TTC28: variants seen among roughly 807,000 people sequenced by gnomAD.
TTC28 encodes tetratricopeptide repeat domain 28.
Under a neutral mutation model 198.0 loss-of-function variants are expected in TTC28, and 61 were observed. The ratio of observed to expected loss-of-function variants is 0.31; its 90% confidence interval spans 0.25 to 0.38. The LOEUF (loss-of-function observed/expected upper bound fraction) is 0.38, where lower values mean the gene tolerates loss of function less well. TTC28 is among the 10% of genes least tolerant of loss of function. The pLI is 1.00. For missense variants in TTC28, 2,678 were observed against 3,164.0 expected, an observed-to-expected ratio of 0.85 and a Z score of 3.69; for synonymous variants, 1,171 against 1,297.8, an observed-to-expected ratio of 0.90 and a Z score of 2.10.
intron 2 of TTC28, among the ~76,000 whole-genome samples, chr22:28,544,816 G>A (rs1385547354): frequency 1.3e-5 from 2 of 152,122 alleles, no homozygotes; most frequent in Non-Finnish European, 2.9e-5. Flanking sequence ...AAATGCCATG[G>A]CAACATCTGG....
chr22:28,549,982 T>C (rs117597429), intron 2 of TTC28, among the ~76,000 whole-genome samples: 2 of 152,318 alleles, frequency 1.3e-5, no homozygotes, highest in East Asian at 3.9e-4. Flanking sequence ...GATCTGTACT[T>C]TAATTCCCAA....
At chr22:28,160,781 T>C (rs1921079915) in intron 6 of TTC28, among the ~76,000 whole-genome samples, 2 of 152,210 alleles carry the variant, frequency 1.3e-5, no homozygotes, top group Non-Finnish European at 2.9e-5. Flanking sequence ...ATTTTATACA[T>C]TTTTATATGT....
chr22:28,543,693 T>G (rs2049470404), intron 2 of TTC28, among the ~76,000 whole-genome samples: 1 of 152,056 alleles, frequency 6.6e-6, no homozygotes, highest in Non-Finnish European at 1.5e-5. Flanking sequence ...AAAATAACAA[T>G]CCTACACAGA....
chr22:28,262,479 T>C (rs1040341224), intron 5 of TTC28, among the ~76,000 whole-genome samples: 7 of 152,332 alleles, frequency 4.6e-5, no homozygotes, highest in Admixed American at 1.3e-4. Context: ...TTTGTTTCTT[T>C]GATCTTCTCT....
chr22:28,274,100 T>C (rs1237239605), intron 5 of TTC28, among the ~76,000 whole-genome samples: 1 of 152,152 alleles, frequency 6.6e-6, no homozygotes, highest in Non-Finnish European at 1.5e-5. Context: ...AAATAGGAAA[T>C]ACTAGCCTAT....
chr22:28,630,992 A>AC (rs757338534), intron 1 of TTC28, among the ~76,000 whole-genome samples: 10 of 152,204 alleles, frequency 6.6e-5, no homozygotes, highest in Non-Finnish European at 1.0e-4. Flanking sequence ...AGTGGCATGC[A>AC]CCTGTAGTCC....
chr22:28,271,951 T>G (rs1209892810), intron 5 of TTC28, among the ~76,000 whole-genome samples: 2 of 152,074 alleles, frequency 1.3e-5, no homozygotes, highest in Non-Finnish European at 2.9e-5. Context: ...TTTTCATCCT[T>G]TCTTGCCTGT....
intron 2 of TTC28, among the ~76,000 whole-genome samples, chr22:28,394,431 G>T (rs1019507154): frequency 5.9e-5 from 9 of 152,114 alleles, no homozygotes; most frequent in Non-Finnish European, 1.3e-4. Context: ...AAATCAATTT[G>T]TCTTCTCCAA....
At chr22:28,404,091 A>T (rs1198539756) in intron 2 of TTC28, among the ~76,000 whole-genome samples, 1 of 152,124 alleles carries the variant, frequency 6.6e-6, no homozygotes, top group Non-Finnish European at 1.5e-5. Flanking sequence ...TAATTTAAAA[A>T]TTTTTAACTA....
rs953829247 is a variant in TTC28 at position 28,608,426 on chromosome 22, A to T, written c.381+21126T>A. Among the ~76,000 whole-genome samples the T allele has an allele frequency of 1.8e-4, 28 of 152,344 alleles. 1 individual carries two copies. Among genetic ancestry groups the T allele is most frequent in the Admixed American group, 9.8e-4 (15 of 15,308 alleles). On this transcript the variant is annotated intron_variant, in intron 2 of 22. Transcript: ENST00000397906. ...GTGTGAACAACCCTCTTCACAGGGC[A>T]TCTGTCAAATAAAATCAGTGGCAAC...
In TTC28 at chr22:27,990,008, C is replaced by G; in HGVS notation, c.5578-1G>C. ...GGAGCTGAACCAGCACCTGGTGGAGCTGAGGAAGGGGGGACAGCGTGAGCA... is the reference window on the plus strand; with the variant it reads ...GGAGCTGAACCAGCACCTGGTGGAGGTGAGGAAGGGGGGACAGCGTGAGCA... On this transcript the variant is annotated splice_acceptor_variant, in intron 20 of 22. Coordinates refer to ENST00000397906, the MANE Select transcript of TTC28 (RefSeq NM_001145418.2). LOFTEE classifies it high-confidence loss of function. The G allele has an allele frequency of 7.1e-6, 11 of 1,550,378 alleles. No individual in the cohort carries two copies. The highest frequency in any genetic ancestry group is 7.9e-6 in the Non-Finnish European group (9 of 1,146,352).
At chr22:28,502,875 T>A (rs999606045) in intron 2 of TTC28, among the ~76,000 whole-genome samples, 4 of 152,196 alleles carry the variant, frequency 2.6e-5, no homozygotes, top group Admixed American at 1.3e-4. Context: ...AAATTCATCA[T>A]CAAATGCCAC....
Position 28,190,748 on chromosome 22 carries a change from C to T in TTC28, c.934-27149G>A, listed in dbSNP as rs531884941. On this transcript the variant is annotated intron_variant, in intron 5 of 22. Coordinates refer to ENST00000397906, the MANE Select transcript of TTC28 (RefSeq NM_001145418.2). ...AAGATTATGTATGCATTTTCAAGTT[C>T]CCCACGGACCCCATCACTGCCCACA... Among the ~76,000 whole-genome samples, 8 of 152,294 alleles carry T rather than the reference C, an allele frequency of 5.3e-5. No homozygotes were observed. The South Asian group carries it at 1.7e-3, about 32-fold the overall frequency.
chr22:28,130,876 ATTAGT>A (rs1212554923), intron 6 of TTC28, among the ~76,000 whole-genome samples: 34 of 152,240 alleles, frequency 2.2e-4, no homozygotes, highest in African/African-American at 8.0e-4. Context: ...CAGGATAAAA[ATTAGT>A]TTAGATACTT....
At chr22:28,463,318 C>T (rs2047974633) in intron 2 of TTC28, among the ~76,000 whole-genome samples, 1 of 152,140 alleles carries the variant, frequency 6.6e-6, no homozygotes, top group East Asian at 1.9e-4. Context: ...ATTGGTGGGA[C>T]TGTAAACTAG....
intron 5 of TTC28, among the ~76,000 whole-genome samples, chr22:28,267,624 CAT>C (rs1211180088): frequency 6.6e-6 from 1 of 152,170 alleles, no homozygotes; most frequent in Non-Finnish European, 1.5e-5. Flanking sequence ...AATATGCTAA[CAT>C]GTATAAAATA....
chr22:28,453,418 C>T (rs1375667532), intron 2 of TTC28, among the ~76,000 whole-genome samples: 2 of 152,136 alleles, frequency 1.3e-5, no homozygotes, highest in African/African-American at 4.8e-5. Context: ...CATATTTATG[C>T]CTCAAAAACC....
At chr22:28,392,273 C>T (rs1319148468) in intron 2 of TTC28, among the ~76,000 whole-genome samples, 2 of 152,220 alleles carry the variant, frequency 1.3e-5, no homozygotes, top group Non-Finnish European at 2.9e-5. Context: ...TCTAAGTCTG[C>T]AGAGGTTACT....
rs186597385 is a variant in TTC28, at chr22:28,262,256, A to G, written c.933+33942T>C. On this transcript the variant is annotated intron_variant, in intron 5 of 22. Transcript: ENST00000397906. ...CACCTTGGTGTCTCATTTGTCACAT[A>G]AGAGTAGTTCAACAGCTTTAACTGT... is the stretch of plus-strand genomic sequence containing the variant. 1.2e-3 allele frequency among the ~76,000 whole-genome samples: 182 copies of G among 152,294 alleles called. 1 individual carries two copies. The highest frequency in any genetic ancestry group is 4.1e-3 in the African/African-American group (171 of 41,576).
Sources: gnomAD v4.1 joint callset for allele counts (sites outside exome capture counted in the v4.1 genomes callset) on GRCh38, gnomAD v4.1.1 for gene constraint, MANE v1.5 for transcripts, NCBI Gene and HGNC (gene_info 2026-07-23, HGNC 2026-07-21) for gene names.